The following TBC1D5 variants were observed in gnomAD, a reference collection of about 807,000 sequenced individuals.
TBC1D5 encodes TBC1 domain family member 5, also known as TBC1 domain family, member 5.
A neutral mutation model predicts 100.3 loss-of-function variants in TBC1D5; 75 were observed. That is an observed-to-expected ratio of 0.75 (90% CI 0.62 to 0.91). TBC1D5 has a LOEUF of 0.91. Ranked by LOEUF, TBC1D5 falls within the 40% of genes least tolerant of loss-of-function variation. The pLI, the probability that TBC1D5 is intolerant of heterozygous loss-of-function variation, is 0.00. For missense variants in TBC1D5, 910 were observed against 942.4 expected (o/e 0.97, Z 0.45); for synonymous variants, 323 against 325.6 (o/e 0.99, Z 0.09).
chr3:17,274,729 T>G (rs1453889860), intron 15 of TBC1D5, among the ~76,000 whole-genome samples: 1 of 152,182 alleles, frequency 6.6e-6, no homozygotes, highest in African/African-American at 2.4e-5. Context: ...TCTGAAATAC[T>G]CTCTATTTTT....
intron 15 of TBC1D5, among the ~76,000 whole-genome samples, chr3:17,266,767 T>G (rs1248937594): frequency 6.6e-6 from 1 of 152,170 alleles, no homozygotes; most frequent in Non-Finnish European, 1.5e-5. Flanking sequence ...ACTTCTGGTT[T>G]ATTTACTAAT....
At chr3:17,351,312 A>G (rs745986701) in intron 13 of TBC1D5, among the ~76,000 whole-genome samples, 2 of 152,186 alleles carry the variant, frequency 1.3e-5, no homozygotes, top group Admixed American at 6.6e-5. Context: ...TCACAATAGC[A>G]AAGACTTGGA....
chr3:17,328,445 G>C (rs1037789402), intron 13 of TBC1D5, among the ~76,000 whole-genome samples: 5 of 152,078 alleles, frequency 3.3e-5, no homozygotes, highest in African/African-American at 1.2e-4. Flanking sequence ...ACCTGCCATA[G>C]ATTGTCCACC....
At chr3:17,478,967 G>A (rs564380679) in intron 3 of TBC1D5, among the ~76,000 whole-genome samples, 1 of 152,132 alleles carries the variant, frequency 6.6e-6, no homozygotes, top group Non-Finnish European at 1.5e-5. Context: ...TTACTATATT[G>A]TGTAACAAGT....
intron 13 of TBC1D5, among the ~76,000 whole-genome samples, chr3:17,359,667 A>T (rs1384445069): frequency 2.0e-5 from 3 of 152,052 alleles, no homozygotes; most frequent in Non-Finnish European, 4.4e-5. Context: ...GTCTGGTCAC[A>T]ACCTATCAAA....
intron 4 of TBC1D5, among the ~76,000 whole-genome samples, chr3:17,424,653 T>C (rs747472149): frequency 1.4e-4 from 22 of 152,176 alleles, no homozygotes; most frequent in Non-Finnish European, 1.8e-4. Context: ...CAAAACAATA[T>C]CTGGACTATT....
chr3:17,711,573 T>C (rs992125560), intron 1 of TBC1D5, among the ~76,000 whole-genome samples: 15 of 152,200 alleles, frequency 9.9e-5, no homozygotes, highest in African/African-American at 3.6e-4. Flanking sequence ...TTGCTTAGTT[T>C]TTAACTTGTT....
chr3:17,383,981 C>T, exon 9 of TBC1D5: 2 of 1,599,628 alleles, frequency 1.3e-6, no homozygotes, highest in Non-Finnish European at 1.7e-6. Flanking sequence ...ATTTTTCTCA[C>T]ATTTTCTTGC....
At chr3:17,455,512 G>GTATA (rs371306249) in intron 3 of TBC1D5, among the ~76,000 whole-genome samples, 84 of 128,880 alleles carry the variant, frequency 6.5e-4, no homozygotes, top group Admixed American at 2.6e-3. Flanking sequence ...ATGTGTGTGT[G>GTATA]TATATATATA....
At chr3:17,261,896 C>T (rs770502412) in intron 15 of TBC1D5, among the ~76,000 whole-genome samples, 2 of 149,150 alleles carry the variant, frequency 1.3e-5, no homozygotes, top group Non-Finnish European at 3.0e-5. Flanking sequence ...TGATTTCTAA[C>T]CTTTAAAGTT....
chr3:17,238,533 A>G, intron 16 of TBC1D5, 114 bp from the exon 17 acceptor site: 1 of 1,228,868 alleles, frequency 8.1e-7, no homozygotes, highest in Non-Finnish European at 1.1e-6. Context: ...CATTTACTAG[A>G]CCAGCTATAT....
chr3:17,285,124 A>T (rs2081034224), intron 15 of TBC1D5, among the ~76,000 whole-genome samples: 1 of 152,102 alleles, frequency 6.6e-6, no homozygotes. Flanking sequence ...ACATCATCAC[A>T]AAAAATTGGA....
At chr3:17,383,353 A>G (rs1446442941) in intron 9 of TBC1D5, among the ~76,000 whole-genome samples, 3 of 152,006 alleles carry the variant, frequency 2.0e-5, no homozygotes, top group African/African-American at 7.2e-5. Context: ...AAATGTAAAT[A>G]TATCTGTATA....
chr3:17,410,124 A>G (rs923177750), intron 4 of TBC1D5, among the ~76,000 whole-genome samples: 7 of 152,084 alleles, frequency 4.6e-5, no homozygotes, highest in Middle Eastern at 3.2e-3. Context: ...TGGTGACTAA[A>G]CTGAAGCCAA....
At chr3:17,336,920 T>C (rs2087933900) in intron 13 of TBC1D5, among the ~76,000 whole-genome samples, 1 of 152,078 alleles carries the variant, frequency 6.6e-6, no homozygotes, top group South Asian at 2.1e-4. Context: ...CAAGAGAAGA[T>C]ATAGTTAATC....
chr3:17,722,710 G>C (rs1181491984), intron 1 of TBC1D5, among the ~76,000 whole-genome samples: 1 of 152,188 alleles, frequency 6.6e-6, no homozygotes, highest in Non-Finnish European at 1.5e-5. Flanking sequence ...TTACAAATGA[G>C]AAAACTAAGT....
At chr3:17,302,410 A>G (rs1035903006) in intron 14 of TBC1D5, among the ~76,000 whole-genome samples, 5 of 152,144 alleles carry the variant, frequency 3.3e-5, no homozygotes, top group African/African-American at 1.2e-4. Flanking sequence ...ATTTGCAACA[A>G]TCTATTCCCA....
At chr3:17,439,728 T>C (rs1377771525) in intron 3 of TBC1D5, among the ~76,000 whole-genome samples, 1 of 152,194 alleles carries the variant, frequency 6.6e-6, no homozygotes, top group Non-Finnish European at 1.5e-5. Flanking sequence ...TTTATGATAA[T>C]GCATCTTTAT....
intron 3 of TBC1D5, among the ~76,000 whole-genome samples, chr3:17,455,165 TACACAC>T (rs549322724): frequency 5.0e-5 from 7 of 140,816 alleles, no homozygotes; most frequent in Non-Finnish European, 9.1e-5. Flanking sequence ...AAAAAAAGTA[TACACAC>T]ACACACACAC....
Sources: gnomAD v4.1 joint callset for allele counts (sites outside exome capture counted in the v4.1 genomes callset) on GRCh38, gnomAD v4.1.1 for gene constraint, MANE v1.5 for transcripts, NCBI Gene and HGNC (gene_info 2026-07-23, HGNC 2026-07-21) for gene names.